The following MAEA variants were observed in gnomAD, a reference collection of about 807,000 sequenced individuals.
MAEA encodes the protein E3 ubiquitin-protein transferase MAEA.
Under a neutral mutation model 46.2 loss-of-function variants are expected in MAEA, and 22 were observed. The ratio of observed to expected loss-of-function variants is 0.48; its 90% CI spans 0.34 to 0.68. MAEA has a LOEUF of 0.68. MAEA is among the 30% of genes least tolerant of loss of function. The pLI is 0.01. For missense variants in MAEA, 393 were observed against 558.1 expected (o/e 0.70, Z 2.98); for synonymous variants, 246 against 222.6 (o/e 1.11, Z -0.94).
chr4:1,289,908 T>A lies in MAEA; in HGVS notation c.-6T>A. ...CCCCGCCCGCTAATGTTTTGGCCGC[T>A]TCAAGATGGCGGTGCAGGAGTCGGC... On this transcript the variant is annotated 5_prime_UTR_variant, in exon 1 of 9. Coordinates refer to ENST00000303400, the MANE Select transcript of MAEA (RefSeq NM_001017405.3). 1 of 1,596,156 alleles carries A rather than the reference T, an allele frequency of 6.3e-7. No individual in the cohort carries two copies. Among genetic ancestry groups the A allele is most frequent in the Non-Finnish European group, 8.5e-7 (1 of 1,170,604 alleles).
intron 3 of MAEA, among the ~76,000 whole-genome samples, chr4:1,321,989 A>G (rs1159167801): frequency 1.3e-5 from 2 of 151,576 alleles, no homozygotes; most frequent in African/African-American, 2.4e-5. Context: ...GTTGATTTTG[A>G]AATGAGGGGG....
intron 3 of MAEA, among the ~76,000 whole-genome samples, chr4:1,317,915 C>T (rs549670244): frequency 1.3e-5 from 2 of 152,308 alleles, no homozygotes; most frequent in African/African-American, 4.8e-5. Flanking sequence ...TCTGTGATGC[C>T]TCTGCCGTGC....
chr4:1,292,694 A>T (rs565734962), intron 1 of MAEA, among the ~76,000 whole-genome samples: 65 of 152,100 alleles, frequency 4.3e-4, no homozygotes, highest in Admixed American at 1.8e-3. Context: ...CACCCCTGAG[A>T]ATTGCTGGGC....
At chr4:1,317,666 C>T (rs1269095449) in intron 3 of MAEA, among the ~76,000 whole-genome samples, 1 of 152,188 alleles carries the variant, frequency 6.6e-6, no homozygotes, top group East Asian at 1.9e-4. Context: ...CAGACCTGCA[C>T]AGCACTGTTG....
chr4:1,309,631 A>T (rs1184732315), intron 1 of MAEA: 2 of 1,528,900 alleles, frequency 1.3e-6, no homozygotes, highest in South Asian at 2.4e-5. Flanking sequence ...GGGAGGCCTG[A>T]GGAGTAAGCG....
chr4:1,315,589 A>G lies in MAEA; in HGVS notation c.445A>G (p.Ser149Gly). 6.2e-7 allele frequency: 1 copy of G among 1,612,868 alleles called. No homozygotes were observed. Among genetic ancestry groups the G allele is most frequent in the Non-Finnish European group, 8.5e-7 (1 of 1,179,692 alleles). Residue 149 changes from serine to glycine, a missense_variant, in exon 3 of 9, where the codon AGC (serine) becomes GGC (glycine). By Grantham distance (56) the Ser-to-Gly change is moderately conservative (BLOSUM62 0). Around this residue, in one of 2 missense-constraint regions of MAEA, gnomAD observed 358 missense variants for 537.9 expected, o/e 0.67. Transcript: ENST00000303400. The stretch of plus-strand genomic sequence containing the variant: ...CACGGCTGTCAAGCTGGCGCGCCAG[A>G]GCGGCATCGAGGTGGGTGCCCGCCA... ...YNTAVKLARQ[S>G]GIEDLVNIEM...
At chr4:1,298,207 GC>G (rs1262042313) in intron 1 of MAEA, 1 of 392,472 alleles carries the variant, frequency 2.5e-6, no homozygotes, top group African/African-American at 2.1e-5. Flanking sequence ...TCTGTCGCCT[GC>G]CTGCTTGTGC....
In MAEA at chr4:1,315,677, C is replaced by T. The variant is rs574782846; in HGVS notation, c.456+77C>T. 3.4e-5 allele frequency: 49 copies of T among 1,427,000 alleles called. No individual in the cohort carries two copies. The South Asian group carries it at 4.7e-4, about 14-fold the overall frequency. 88.4% of individuals were successfully genotyped at this position (1,427,000 alleles called of 1,614,324 possible). A position where few individuals can be genotyped will look rare whatever the true frequency, so the allele number is the denominator to read the frequency against. Reference sequence around the variant, plus strand: ...GGCCAGCCGCCCTGTGGCATGTCCCCCGGCATGCCTGTGTCCCTACATGCT... The same window carrying T: ...GGCCAGCCGCCCTGTGGCATGTCCCTCGGCATGCCTGTGTCCCTACATGCT... On this transcript the variant is annotated intron_variant, in intron 3 of 8. Transcript: ENST00000303400.
At chr4:1,304,734 C>T (rs1364079277) in intron 1 of MAEA, among the ~76,000 whole-genome samples, 7 of 152,060 alleles carry the variant, frequency 4.6e-5, no homozygotes, top group South Asian at 2.1e-4. Flanking sequence ...CCACCACGCC[C>T]GGCCCCTGGT....
intron 5 of MAEA, among the ~76,000 whole-genome samples, chr4:1,328,478 G>C (rs894444721): frequency 6.6e-6 from 1 of 152,246 alleles, no homozygotes; most frequent in African/African-American, 2.4e-5. Context: ...GTTCCTGAGC[G>C]GCCAAGCCTT....
At chr4:1,309,580 G>A (rs572566954) in intron 1 of MAEA, 6 of 1,494,444 alleles carry the variant, frequency 4.0e-6, no homozygotes, top group Non-Finnish European at 5.4e-6. Flanking sequence ...GCTGGAGGAG[G>A]AGCAGAGGCA....
chr4:1,290,841 G>A (rs1470283260), intron 1 of MAEA, among the ~76,000 whole-genome samples: 1 of 152,208 alleles, frequency 6.6e-6, no homozygotes, highest in Admixed American at 6.5e-5. Context: ...CCCAGCCCCA[G>A]GGCAGTTCAG....
rs1560368750 is a variant in MAEA at position 1,322,943 on chromosome 4, C to CCTTTTTTTT, written c.579+440_579+441insCTTTTTTTT. On this transcript the variant is annotated intron_variant, in intron 4 of 8. Coordinates refer to ENST00000303400, the MANE Select transcript of MAEA (RefSeq NM_001017405.3). ...CTGTGATATTGTTAATGAATACCCA[C>CCTTTTTTTT]TTTTTTTTTTTTTTTTTTTTTTTTT... Among the ~76,000 whole-genome samples, 2 of 75,246 alleles carry CCTTTTTTTT rather than the reference C, an allele frequency of 2.7e-5. 1 individual carries two copies. 49.4% of individuals were successfully genotyped at this position (75,246 alleles called of 152,430 possible).
intron 1 of MAEA, among the ~76,000 whole-genome samples, chr4:1,293,153 A>G (rs1485865869): frequency 6.6e-6 from 1 of 151,832 alleles, no homozygotes; most frequent in African/African-American, 2.4e-5. Flanking sequence ...TTTCAATTCA[A>G]CATGCATAGT....
intron 7 of MAEA, chr4:1,338,030 T>C (rs773498465): frequency 2.4e-5 from 5 of 204,238 alleles, no homozygotes; most frequent in Admixed American, 5.5e-5. Flanking sequence ...GTCCCCTCTT[T>C]GTGGAACTCT....
chr4:1,339,290 G>C lies in MAEA; in HGVS notation c.*121G>C, dbSNP rs1022035307. On this transcript the variant is annotated 3_prime_UTR_variant, in exon 9 of 9. Coordinates refer to ENST00000303400, the MANE Select transcript of MAEA (RefSeq NM_001017405.3). ...TTCTGTTTCTTGCGACCAAAGATCC[G>C]TGAGCAACGATAAATACTCTTAGGA... 5.7e-6 allele frequency: 4 copies of C among 707,040 alleles called. No individual in the cohort carries two copies. The highest frequency in any genetic ancestry group is 1.6e-5 in the South Asian group (1 of 64,160). The allele number at this position is 707,040 out of a possible 1,614,324, so 43.8% of individuals were successfully genotyped here.
intron 1 of MAEA, among the ~76,000 whole-genome samples, chr4:1,309,038 C>T (rs557568225): frequency 1.3e-5 from 2 of 152,332 alleles, no homozygotes; most frequent in South Asian, 2.1e-4. Flanking sequence ...CTTCTGCGGG[C>T]TCATCTCTGC....
In MAEA at chr4:1,302,191, A is replaced by T. The variant is rs13121698; in HGVS notation, c.70-9788A>T. 1.3e-3 allele frequency among the ~76,000 whole-genome samples: 197 copies of T among 152,380 alleles called. 1 individual carries two copies. The highest frequency in any genetic ancestry group is 1.8e-3 in the Non-Finnish European group (124 of 68,040). ...AAGTAGGATTTCCCCCAGAAATGCA[A>T]AGTTGGTTCAACGTGTGAAAATCAA... On this transcript the variant is annotated intron_variant, in intron 1 of 8. Coordinates refer to ENST00000303400, the MANE Select transcript of MAEA (RefSeq NM_001017405.3).
At chr4:1,299,959 A>G (rs1735153493) in intron 1 of MAEA, 2 of 152,324 alleles carry the variant, frequency 1.3e-5, no homozygotes, top group South Asian at 4.1e-4. Flanking sequence ...AAATTCTCCA[A>G]TTAACAAATG....
Sources: gnomAD v4.1 joint callset for allele counts (sites outside exome capture counted in the v4.1 genomes callset) on GRCh38, gnomAD v4.1.1 for gene constraint, gnomAD v4.1.1 regional missense constraint, MANE v1.5 for transcripts, NCBI Gene and HGNC (gene_info 2026-07-23, HGNC 2026-07-21) for gene names.